CATSPERB: variants seen among roughly 807,000 people sequenced by gnomAD.
CATSPERB encodes the protein cation channel sperm-associated auxiliary subunit beta.
In CATSPERB, 93 loss-of-function variants were observed where a neutral mutation model predicts 128.3. The observed-to-expected ratio is 0.72, with a 90% CI of 0.61 to 0.86. The LOEUF is 0.86. Ranked by LOEUF, CATSPERB falls within the 40% of genes least tolerant of loss-of-function variation. CATSPERB has a pLI of 0.00. For synonymous variants in CATSPERB, 381 were observed against 448.8 expected (o/e 0.85, Z 1.91); for missense variants, 1,153 against 1,329.5 (o/e 0.87, Z 2.06).
At chr14:91,685,227 G>A (rs539916269) in intron 10 of CATSPERB, among the ~76,000 whole-genome samples, 46 of 152,212 alleles carry the variant, frequency 3.0e-4, no homozygotes, top group African/African-American at 8.7e-4. Flanking sequence ...ATGACTGGCC[G>A]CCAACGAATT....
intron 15 of CATSPERB, among the ~76,000 whole-genome samples, chr14:91,652,489 T>C (rs1475636050): frequency 2.8e-5 from 4 of 143,156 alleles, no homozygotes; most frequent in East Asian, 2.0e-4. Flanking sequence ...TGAAACCCTG[T>C]CTCTACTAAC....
chr14:91,637,002 T>C (rs1894387348), intron 16 of CATSPERB, among the ~76,000 whole-genome samples: 1 of 152,244 alleles, frequency 6.6e-6, no homozygotes, highest in Admixed American at 6.5e-5. Context: ...TCTGGACAGC[T>C]GCTGTCTGAG....
chr14:91,639,016 AT>A, intron 16 of CATSPERB, 79 bp downstream of exon 16: 2 of 1,276,976 alleles, frequency 1.6e-6, no homozygotes, highest in Non-Finnish European at 2.2e-6. Flanking sequence ...ATACTTTCCC[AT>A]TTTCCCATTA....
At chr14:91,681,371 C>T (rs565652170) in intron 11 of CATSPERB, among the ~76,000 whole-genome samples, 1 of 152,094 alleles carries the variant, frequency 6.6e-6, no homozygotes, top group Admixed American at 6.6e-5. Context: ...TCTGAAAGAC[C>T]ACAATGACAG....
chr14:91,690,047 C>G (rs1333273991), intron 10 of CATSPERB, among the ~76,000 whole-genome samples: 4 of 152,166 alleles, frequency 2.6e-5, no homozygotes, highest in African/African-American at 7.2e-5. Flanking sequence ...GATTGGAGTG[C>G]AGTGGCACGA....
In CATSPERB at chr14:91,632,347, C is replaced by A. The variant is rs560474205; in HGVS notation, c.1742+4078G>T. 5.9e-5 allele frequency among the ~76,000 whole-genome samples: 9 copies of A among 151,926 alleles called. No individual in the cohort carries two copies. In the South Asian group the frequency reaches 1.2e-3, roughly 21 times the overall value. ...AAACATTGAAACTCATAACAAAAAA[C>A]CCCTGATTTAAAAATGGGCAAAGGA... On this transcript the variant is annotated intron_variant, in intron 17 of 26. Transcript: ENST00000256343.
chr14:91,613,407 G>A (rs1459670939), intron 20 of CATSPERB, among the ~76,000 whole-genome samples: 2 of 152,098 alleles, frequency 1.3e-5, no homozygotes, highest in Non-Finnish European at 2.9e-5. Flanking sequence ...AATGGAATGA[G>A]CACGTCTAAA....
Position 91,659,947 on chromosome 14 carries a change from T to C in CATSPERB, c.1322A>G (p.Gln441Arg), listed in dbSNP as rs756644984. The C allele has an allele frequency of 3.8e-6, 6 of 1,598,782 alleles. No individual in the cohort carries two copies. In the South Asian group the frequency reaches 5.7e-5, roughly 15 times the overall value. Residue 441 changes from glutamine (Q) to arginine (R), a missense_variant, in exon 15 of 27, where the codon CAA (glutamine) becomes CGA (arginine). Physicochemically the swap from Gln to Arg is conservative, Grantham distance 43 (BLOSUM62 1). Coordinates refer to ENST00000256343, the MANE Select transcript of CATSPERB (RefSeq NM_024764.4). ...WLSVDGGNTF[Q>R]LIANFHDDII... The stretch of plus-strand genomic sequence containing the variant: ...ATCATCATGAAAGTTAGCTATTAAT[T>C]GAAAGGTGTTGCCGCCATCAACTGA...
chr14:91,704,561 T>C lies in CATSPERB; in HGVS notation c.607A>G (p.Ile203Val). 1 of 1,612,994 alleles carries C rather than the reference T, an allele frequency of 6.2e-7. No individual in the cohort carries two copies. The change falls in exon 7 of 27, where the codon ATA becomes GTA. Residue 203 changes from isoleucine (I) to valine (V), a missense_variant. Transcript: ENST00000256343. Reference protein sequence around the residue: ...VALLGFIVDTIVDGVYIGITF... With the variant: ...VALLGFIVDTVVDGVYIGITF... ...GAAGCTGTAGACCTACCATCAACTA[T>C]TGTATCCACAATGAAGCCTAGTAAT...
At chr14:91,651,191 AAGG>A (rs1281366376) in intron 15 of CATSPERB, among the ~76,000 whole-genome samples, 5 of 152,322 alleles carry the variant, frequency 3.3e-5, no homozygotes, top group Middle Eastern at 3.4e-3. Flanking sequence ...GGAGTTAAGA[AAGG>A]AGAAGGAGAC....
chr14:91,594,075 C>T (rs1284555415), intron 22 of CATSPERB, among the ~76,000 whole-genome samples: 1 of 152,262 alleles, frequency 6.6e-6, no homozygotes, highest in East Asian at 1.9e-4. Context: ...TTGGAACCAA[C>T]CTAAATGTCC....
Position 91,669,949 on chromosome 14 carries a change from A to G in CATSPERB, c.1152T>C (p.Ser384=), listed in dbSNP as rs1895058663. Reference sequence around the variant, plus strand: ...GTTCATTATTTCTCAGGGTGCTCACAGAGGCAATGGCAGTTTTCCTGACCT... The same window carrying G: ...GTTCATTATTTCTCAGGGTGCTCACGGAGGCAATGGCAGTTTTCCTGACCT... ...YNKVRKTAIA[S]VSTLRNNEPN... is the part of the protein sequence containing the mutation. The change falls in exon 14 of 27, where the codon TCT becomes TCC. Residue 384 remains serine (S), a synonymous_variant. Transcript: ENST00000256343. 21 of 1,613,128 alleles carry G rather than the reference A, an allele frequency of 1.3e-5. No individual in the cohort carries two copies. The highest frequency in any genetic ancestry group is 1.8e-5 in the Non-Finnish European group (21 of 1,179,746).
intron 10 of CATSPERB, among the ~76,000 whole-genome samples, chr14:91,686,444 C>A (rs1177514671): frequency 6.6e-6 from 1 of 152,182 alleles, no homozygotes; most frequent in Non-Finnish European, 1.5e-5. Flanking sequence ...ATATCTCATT[C>A]TGAACACCTT....
intron 17 of CATSPERB, among the ~76,000 whole-genome samples, chr14:91,631,624 C>T (rs949213057): frequency 2.0e-5 from 3 of 152,056 alleles, no homozygotes; most frequent in African/African-American, 7.2e-5. Context: ...GAGATCGCGC[C>T]ATTGGACTCC....
In CATSPERB at chr14:91,610,464, A is replaced by C. The variant is rs1893803584; in HGVS notation, c.2598+16T>G. The C allele has an allele frequency of 6.3e-7, 1 of 1,582,010 alleles. No homozygotes were observed. The highest frequency in any genetic ancestry group is 8.7e-7 in the Non-Finnish European group (1 of 1,154,446). On this transcript the variant is annotated intron_variant, in intron 21 of 26. Transcript: ENST00000256343. Reference sequence around the variant, plus strand: ...CATTGCTTCTTAAACCAATATACTTAGATTTTTTTTTTTACCGGCAAAGTT... The same window carrying C: ...CATTGCTTCTTAAACCAATATACTTCGATTTTTTTTTTTACCGGCAAAGTT...
chr14:91,728,880 A>G (rs1896163391), intron 2 of CATSPERB, among the ~76,000 whole-genome samples: 2 of 152,238 alleles, frequency 1.3e-5, no homozygotes, highest in Non-Finnish European at 2.9e-5. Context: ...TCATTGCCCT[A>G]TTCACAGTTA....
chr14:91,630,322 T>C (rs1428412057), intron 17 of CATSPERB, among the ~76,000 whole-genome samples: 2 of 152,146 alleles, frequency 1.3e-5, no homozygotes, highest in South Asian at 4.1e-4. Context: ...CTTCTCTACA[T>C]ACACCCTCCT....
chr14:91,601,191 T>C (rs1704657), intron 22 of CATSPERB, among the ~76,000 whole-genome samples: 111,439 of 152,106 alleles, frequency 0.73, 41,267 homozygotes, highest in East Asian at 0.97. Flanking sequence ...TAGCACTAAA[T>C]TAATAAAATA....
intron 15 of CATSPERB, among the ~76,000 whole-genome samples, chr14:91,641,332 A>C (rs1431662502): frequency 6.8e-6 from 1 of 147,378 alleles, no homozygotes; most frequent in Non-Finnish European, 1.5e-5. Flanking sequence ...CCTGAATGGT[A>C]ATGCCTAGGT....
Sources: allele counts gnomAD v4.1 joint callset (sites outside exome capture counted in the v4.1 genomes callset), GRCh38; gene constraint gnomAD v4.1.1; transcripts MANE v1.5; gene names NCBI Gene and HGNC (gene_info 2026-07-23, HGNC 2026-07-21).